Variants in LIMD1 observed in about 807,000 individuals in gnomAD.
LIMD1 encodes the protein LIM domain containing 1, also known as LIM domain-containing protein 1.
A neutral mutation model predicts 58.4 loss-of-function variants in LIMD1; 23 were observed. That is an observed-to-expected ratio of 0.39 (90% CI 0.28 to 0.56). LIMD1 has a LOEUF of 0.56. Among genes scored for constraint, LIMD1 ranks in the 20% least tolerant of loss-of-function variants. The pLI is 0.57. For synonymous variants in LIMD1, 334 were observed against 345.5 expected, an observed-to-expected ratio of 0.97 and a Z score of 0.37; for missense variants, 838 against 855.5, an observed-to-expected ratio of 0.98 and a Z score of 0.25.
At chr3:45,664,690 G>T (rs755742271) in intron 2 of LIMD1, among the ~76,000 whole-genome samples, 1 of 152,226 alleles carries the variant, frequency 6.6e-6, no homozygotes, top group Non-Finnish European at 1.5e-5. Flanking sequence ...TCTGCCTTGC[G>T]CTGCTTTGCC....
At chr3:45,661,419 A>G (rs1186292396) in intron 2 of LIMD1, among the ~76,000 whole-genome samples, 3 of 152,296 alleles carry the variant, frequency 2.0e-5, no homozygotes, top group East Asian at 3.9e-4. Context: ...TGAAAACACA[A>G]TCTTTTTATG....
At chr3:45,617,764 CA>C (rs1239067442) in intron 1 of LIMD1, among the ~76,000 whole-genome samples, 2 of 152,196 alleles carry the variant, frequency 1.3e-5, no homozygotes, top group Non-Finnish European at 2.9e-5. Flanking sequence ...TGGCTGGCAG[CA>C]ACCAAGCCTT....
At chr3:45,596,824 G>T (rs1301654200) in intron 1 of LIMD1, among the ~76,000 whole-genome samples, 1 of 151,486 alleles carries the variant, frequency 6.6e-6, no homozygotes, top group African/African-American at 2.4e-5. Context: ...AGTTGAGGCA[G>T]GTCAAACACT....
At chr3:45,654,394 T>C (rs965493928) in intron 2 of LIMD1, among the ~76,000 whole-genome samples, 1 of 152,226 alleles carries the variant, frequency 6.6e-6, no homozygotes, top group Non-Finnish European at 1.5e-5. Context: ...GTGAGTATTA[T>C]TGCACGTTTT....
chr3:45,614,768 GTTTTTTT>G (rs34868046), intron 1 of LIMD1, among the ~76,000 whole-genome samples: 1 of 137,520 alleles, frequency 7.3e-6, no homozygotes, highest in East Asian at 2.1e-4. Context: ...ATTCCTGGGT[GTTTTTTT>G]TTTTTTTTGC....
At chr3:45,632,655 C>A in intron 1 of LIMD1, 1 of 554,756 alleles carries the variant, frequency 1.8e-6, no homozygotes, top group Non-Finnish European at 2.3e-6. Context: ...ACAGTTAAGA[C>A]ATGGCCCTTA....
rs1415747119 is a variant in LIMD1 at position 45,637,151 on chromosome 3, A to C, written c.1510+900A>C. 6.6e-5 allele frequency among the ~76,000 whole-genome samples: 10 copies of C among 152,028 alleles called. No individual in the cohort carries two copies. In the East Asian group the frequency reaches 9.6e-4, roughly 15 times the overall value. ...TAGAATCACCTGTGGAGACTTTAAA[A>C]CCCTGCTAATCAGAATCAGAGCTAA... On this transcript the variant is annotated intron_variant, in intron 2 of 7. Transcript: ENST00000273317.
intron 4 of LIMD1, among the ~76,000 whole-genome samples, 181 bp from the exon 5 acceptor site, chr3:45,672,509 C>T (rs941847915): frequency 4.6e-5 from 7 of 152,314 alleles, no homozygotes; most frequent in Admixed American, 2.0e-4. Context: ...TCTGTGTATT[C>T]ATCTAAACAG....
chr3:45,659,527 G>T (rs910027781), intron 2 of LIMD1, among the ~76,000 whole-genome samples: 2 of 152,106 alleles, frequency 1.3e-5, no homozygotes, highest in African/African-American at 2.4e-5. Flanking sequence ...GGCTGAGGCT[G>T]CAGATTGCAC....
chr3:45,640,086 CTCTT>C (rs1412310545), intron 2 of LIMD1, among the ~76,000 whole-genome samples: 2 of 152,246 alleles, frequency 1.3e-5, no homozygotes, highest in African/African-American at 4.8e-5. Flanking sequence ...GATTGAGTTT[CTCTT>C]TCTTCAAATT....
intron 2 of LIMD1, among the ~76,000 whole-genome samples, chr3:45,644,595 T>G (rs1466085069): frequency 6.6e-6 from 1 of 152,210 alleles, no homozygotes; most frequent in Non-Finnish European, 1.5e-5. Context: ...CAACTTAAGA[T>G]GTACAGATTG....
Position 45,677,065 on chromosome 3 carries a change from G to A in LIMD1, c.*6G>A, listed in dbSNP as rs1289762179. The A allele has an allele frequency of 6.2e-7, 1 of 1,612,300 alleles. No homozygotes were observed. The highest frequency in any genetic ancestry group is 8.5e-7 in the Non-Finnish European group (1 of 1,179,278). On this transcript the variant is annotated 3_prime_UTR_variant, in exon 8 of 8. Coordinates refer to ENST00000273317, the MANE Select transcript of LIMD1 (RefSeq NM_014240.3). ...TTCACCAGCACCACTTCTAGCCAGA[G>A]CCACTTGCAGACATCACGGCAGGGG... is the stretch of plus-strand genomic sequence containing the variant.
rs1271703555 is a variant in LIMD1 at position 45,675,096 on chromosome 3, T to G, written c.1893+685T>G. 2.0e-5 allele frequency among the ~76,000 whole-genome samples: 3 copies of G among 152,184 alleles called. No homozygotes were observed. In the East Asian group the frequency reaches 5.8e-4, roughly 29 times the overall value. On this transcript the variant is annotated intron_variant, in intron 7 of 7. Transcript: ENST00000273317. ...AATGGGGGTGTCCCTCATATAGACT[T>G]GTCCCACTGCCAACACTGAAGAAAT...
intron 1 of LIMD1, among the ~76,000 whole-genome samples, chr3:45,614,786 C>CA (rs1701561360): frequency 8.0e-6 from 1 of 125,440 alleles, no homozygotes; most frequent in Admixed American, 8.2e-5. Flanking sequence ...TTTTTTTTGC[C>CA]GTTTTTTAAA....
intron 1 of LIMD1, 66 bp downstream of exon 1, chr3:45,596,353 C>A: frequency 1.5e-6 from 2 of 1,294,244 alleles, no homozygotes; most frequent in Non-Finnish European, 2.1e-6. Context: ...GGGGAACATG[C>A]CCCCTACCAG....
intron 3 of LIMD1, 35 bp downstream of exon 3, chr3:45,665,752 C>T: frequency 6.3e-7 from 1 of 1,595,482 alleles, no homozygotes. Flanking sequence ...CTTGCATGTC[C>T]TGGCCAGAGT....
Position 45,594,795 on chromosome 3 carries a change from A to ACACACACACACACACG in LIMD1, c.-70_-69insGCACACACACACACAC, listed in dbSNP as rs1701315493. On this transcript the variant is annotated 5_prime_UTR_variant, in exon 1 of 8. Coordinates refer to ENST00000273317, the MANE Select transcript of LIMD1 (RefSeq NM_014240.3). ...CTGCCCTCAACACACACACACACAC[A>ACACACACACACACACG]CACACACACACACACACACACACAC... 17 of 113,314 alleles carry ACACACACACACACACG rather than the reference A, an allele frequency of 1.5e-4. No individual in the cohort carries two copies. 7.0% of individuals were successfully genotyped at this position (113,314 alleles called of 1,614,324 possible).
intron 2 of LIMD1, 49 bp downstream of exon 2, chr3:45,636,300 TG>T (rs1319029085): frequency 3.0e-6 from 4 of 1,353,568 alleles, no homozygotes; most frequent in Non-Finnish European, 4.1e-6. Context: ...GTAAGGAACA[TG>T]GGAACCGAGA....
chr3:45,610,087 G>C (rs1701509205), intron 1 of LIMD1, among the ~76,000 whole-genome samples: 2 of 152,318 alleles, frequency 1.3e-5, no homozygotes, highest in East Asian at 3.9e-4. Context: ...AGCTACTCGG[G>C]AGGCTGAGGC....
Sources: allele counts gnomAD v4.1 joint callset (sites outside exome capture counted in the v4.1 genomes callset), GRCh38; gene constraint gnomAD v4.1.1; transcripts MANE v1.5; gene names NCBI Gene and HGNC (gene_info 2026-07-23, HGNC 2026-07-21).